DLGAP1: variants seen among roughly 807,000 people sequenced by gnomAD.
DLGAP1 encodes the protein disks large-associated protein 1.
DLGAP1 carries 11 observed loss-of-function variants against 90.8 expected under a neutral mutation model. The ratio of observed to expected loss-of-function variants is 0.12; its 90% CI spans 0.08 to 0.20. The LOEUF (loss-of-function observed/expected upper bound fraction) is 0.20, where lower values mean the gene tolerates loss of function less well. Ranked by LOEUF, DLGAP1 falls within the 10% of genes least tolerant of loss-of-function variation. DLGAP1 has a pLI of 1.00. For synonymous variants in DLGAP1, 558 were observed against 540.7 expected (o/e 1.03, Z -0.44); for missense variants, 1,050 against 1,333.8 (o/e 0.79, Z 3.31).
At chr18:4,219,285 G>T (rs2078028417) in intron 1 of DLGAP1, among the ~76,000 whole-genome samples, 1 of 151,898 alleles carries the variant, frequency 6.6e-6, no homozygotes. Flanking sequence ...CTTTTGAGAA[G>T]TGTCTATTTA....
At chr18:4,249,811 A>T (rs1598726714) in intron 1 of DLGAP1, among the ~76,000 whole-genome samples, 1 of 151,836 alleles carries the variant, frequency 6.6e-6, no homozygotes, top group South Asian at 2.1e-4. Flanking sequence ...CTGGTCTCAA[A>T]CTCCTGGGCT....
At chr18:3,739,672 T>C (rs536091188) in intron 6 of DLGAP1, among the ~76,000 whole-genome samples, 7 of 151,986 alleles carry the variant, frequency 4.6e-5, no homozygotes, top group Admixed American at 2.6e-4. Context: ...ATATACCTAA[T>C]GCAAGATGAC....
chr18:3,628,141 G>C (rs1567860647), intron 7 of DLGAP1, among the ~76,000 whole-genome samples: 2 of 150,380 alleles, frequency 1.3e-5, no homozygotes. Flanking sequence ...CTCCCAAAGT[G>C]GTGGGATTAC....
intron 4 of DLGAP1, among the ~76,000 whole-genome samples, chr18:3,858,545 C>T (rs59115153): frequency 0.12 from 17,792 of 149,374 alleles, 1,131 homozygotes; most frequent in Admixed American, 0.15. Flanking sequence ...CACACACACA[C>T]ATATATATAT....
At chr18:3,863,015 A>G (rs543391334) in intron 4 of DLGAP1, among the ~76,000 whole-genome samples, 2 of 152,388 alleles carry the variant, frequency 1.3e-5, no homozygotes, top group East Asian at 3.9e-4. Context: ...AGAAGTCAAG[A>G]GAGTAAAAAA....
chr18:4,251,526 C>T (rs1222030128), intron 1 of DLGAP1, among the ~76,000 whole-genome samples: 3 of 152,184 alleles, frequency 2.0e-5, no homozygotes, highest in Admixed American at 6.5e-5. Context: ...AATTCAATGT[C>T]TCATTTGACA....
chr18:4,025,364 G>T (rs759712631), intron 2 of DLGAP1, among the ~76,000 whole-genome samples: 4 of 151,870 alleles, frequency 2.6e-5, no homozygotes, highest in Admixed American at 6.6e-5. Context: ...AAAATTTTCA[G>T]ATTTTGGATT....
intron 1 of DLGAP1, among the ~76,000 whole-genome samples, chr18:4,199,515 G>A (rs780921581): frequency 2.0e-5 from 3 of 152,138 alleles, no homozygotes; most frequent in Non-Finnish European, 4.4e-5. Flanking sequence ...TCCTGGTCAT[G>A]CCAATGAGAG....
At chr18:4,039,848 G>A (rs1315945459) in intron 2 of DLGAP1, among the ~76,000 whole-genome samples, 1 of 152,166 alleles carries the variant, frequency 6.6e-6, no homozygotes, top group Non-Finnish European at 1.5e-5. Flanking sequence ...AGAATTAAGA[G>A]AACTATGTGT....
chr18:4,423,989 T>C (rs1002713794), intron 1 of DLGAP1, among the ~76,000 whole-genome samples: 4 of 151,626 alleles, frequency 2.6e-5, no homozygotes, highest in African/African-American at 9.7e-5. Flanking sequence ...CCATCTCTAC[T>C]AAAAATACAA....
chr18:4,097,454 G>A (rs575716439), intron 2 of DLGAP1, among the ~76,000 whole-genome samples: 1 of 152,274 alleles, frequency 6.6e-6, no homozygotes, highest in South Asian at 2.1e-4. Flanking sequence ...TGCTCACCAC[G>A]TGGTACTGAG....
At chr18:3,758,750 G>C (rs1372324453) in intron 5 of DLGAP1, among the ~76,000 whole-genome samples, 1 of 152,082 alleles carries the variant, frequency 6.6e-6, no homozygotes, top group African/African-American at 2.4e-5. Context: ...TATGACTCAT[G>C]CATATGACTC....
At chr18:4,415,552 CAA>C (rs1402929603) in intron 1 of DLGAP1, among the ~76,000 whole-genome samples, 1 of 152,132 alleles carries the variant, frequency 6.6e-6, no homozygotes, top group Non-Finnish European at 1.5e-5. Flanking sequence ...AGATTCAGCT[CAA>C]GTTTCTAAAA....
chr18:4,408,520 T>C (rs2031171271), intron 1 of DLGAP1, among the ~76,000 whole-genome samples: 1 of 151,540 alleles, frequency 6.6e-6, no homozygotes, highest in African/African-American at 2.4e-5. Context: ...TGAAAAACAA[T>C]GGCAAGATAT....
chr18:3,521,707 G>A (rs933258440), intron 10 of DLGAP1, among the ~76,000 whole-genome samples: 1 of 152,140 alleles, frequency 6.6e-6, no homozygotes, highest in Non-Finnish European at 1.5e-5. Flanking sequence ...AACATGTTCT[G>A]TTAATATGTC....
intron 10 of DLGAP1, among the ~76,000 whole-genome samples, chr18:3,514,378 C>A (rs951961199): frequency 6.6e-6 from 1 of 152,136 alleles, no homozygotes; most frequent in Non-Finnish European, 1.5e-5. Flanking sequence ...TTTCTTATAC[C>A]CTCAAAGTAG....
At chr18:3,990,041 TA>T (rs1265754512) in intron 3 of DLGAP1, among the ~76,000 whole-genome samples, 2 of 152,134 alleles carry the variant, frequency 1.3e-5, no homozygotes, top group Non-Finnish European at 2.9e-5. Context: ...GGTGGGACTG[TA>T]AACTAGTTCA....
At chr18:4,289,428 A>G (rs1381063196) in intron 1 of DLGAP1, among the ~76,000 whole-genome samples, 1 of 152,212 alleles carries the variant, frequency 6.6e-6, no homozygotes. Context: ...AATCAGAAAA[A>G]TAAAACATGA....
intron 2 of DLGAP1, among the ~76,000 whole-genome samples, chr18:4,025,805 A>C (rs147518336): frequency 5.4e-4 from 82 of 152,216 alleles, no homozygotes; most frequent in Non-Finnish European, 1.0e-3. Flanking sequence ...ATTGTTTTAC[A>C]TGACTGCTAA....
Sources: gnomAD v4.1 joint callset for allele counts (sites outside exome capture counted in the v4.1 genomes callset) on GRCh38, gnomAD v4.1.1 for gene constraint, MANE v1.5 for transcripts, NCBI Gene and HGNC (gene_info 2026-07-23, HGNC 2026-07-21) for gene names.